Variants in CRY1 observed in about 807,000 individuals in gnomAD.
CRY1 encodes the protein cryptochrome-1.
CRY1 carries 45 observed loss-of-function variants against 76.0 expected under a neutral mutation model. That is an observed-to-expected ratio of 0.59 (90% confidence interval 0.47 to 0.76). The LOEUF (loss-of-function observed/expected upper bound fraction) is 0.76. CRY1 is among the 30% of genes least tolerant of loss of function. The pLI, the probability that CRY1 is intolerant of heterozygous loss-of-function variation, is 0.00. For synonymous variants in CRY1, 248 were observed against 244.0 expected (o/e 1.02, Z -0.15); for missense variants, 587 against 716.4 (o/e 0.82, Z 2.06).
chr12:107,023,553 G>A (rs1369490884), intron 1 of CRY1, among the ~76,000 whole-genome samples: 1 of 152,154 alleles, frequency 6.6e-6, no homozygotes, highest in Non-Finnish European at 1.5e-5. Context: ...AAGTCTTGTT[G>A]ATTTTTTACA....
At chr12:107,055,330 AT>A (rs1450230164) in intron 1 of CRY1, among the ~76,000 whole-genome samples, 1 of 152,132 alleles carries the variant, frequency 6.6e-6, no homozygotes, top group Non-Finnish European at 1.5e-5. Flanking sequence ...GAAAAAAATC[AT>A]AACAAAATTT....
At chr12:107,081,480 C>T (rs1953324537) in intron 1 of CRY1, among the ~76,000 whole-genome samples, 1 of 151,970 alleles carries the variant, frequency 6.6e-6, no homozygotes, top group Non-Finnish European at 1.5e-5. Flanking sequence ...TTATTTCTCT[C>T]CATTGAATTT....
At chr12:107,032,602 A>G (rs1952689972) in intron 1 of CRY1, among the ~76,000 whole-genome samples, 1 of 152,116 alleles carries the variant, frequency 6.6e-6, no homozygotes, top group Non-Finnish European at 1.5e-5. Context: ...CACGCCTATA[A>G]TCTCAGAGCC....
At chr12:107,012,134 G>A (rs1371343957) in intron 2 of CRY1, among the ~76,000 whole-genome samples, 1 of 152,228 alleles carries the variant, frequency 6.6e-6, no homozygotes, top group Non-Finnish European at 1.5e-5. Flanking sequence ...AGGCTGCAGT[G>A]AGCCAAGATC....
chr12:107,023,895 T>C (rs1435074499), intron 1 of CRY1, among the ~76,000 whole-genome samples: 5 of 152,224 alleles, frequency 3.3e-5, no homozygotes, highest in Non-Finnish European at 5.9e-5. Context: ...TATAAAAGCA[T>C]TGGAGTTTAA....
Position 106,999,839 on chromosome 12 carries a change from G to A in CRY1, c.849C>T (p.Pro283=). Residue 283 remains proline (P), a synonymous_variant, in exon 7 of 13, where the codon CCC becomes CCT. Transcript: ENST00000008527. The part of the protein sequence containing the change: ...YKKVKKNSSP[P]LSLYGQLLWR... ...ATAACAGTTGCCCATAAAGGGAAAG[G>A]GGAGGGGAACTGTTCTTCTTTACCT... 1.9e-6 allele frequency: 3 copies of A among 1,613,068 alleles called. No homozygotes were observed. The highest frequency in any genetic ancestry group is 1.3e-5 in the African/African-American group (1 of 74,920).
chr12:107,036,339 A>C (rs749655593), intron 1 of CRY1, among the ~76,000 whole-genome samples: 5 of 152,202 alleles, frequency 3.3e-5, no homozygotes, highest in Non-Finnish European at 5.9e-5. Context: ...AAATCTTAAC[A>C]GCTCTATGTT....
intron 1 of CRY1, among the ~76,000 whole-genome samples, chr12:107,035,111 A>G (rs947511232): frequency 3.9e-5 from 6 of 152,226 alleles, no homozygotes; most frequent in Admixed American, 3.3e-4. Context: ...ATCTATGAAT[A>G]ATGCTTTTCT....
chr12:107,093,370 A>C lies in CRY1; in HGVS notation c.-409T>G. ...CCTCGCCCCACCAAGGCGGCCCCTAAAGACAAAACGGCCCGCCCGAGGTGA... is the reference window on the plus strand; with the variant it reads ...CCTCGCCCCACCAAGGCGGCCCCTACAGACAAAACGGCCCGCCCGAGGTGA... On this transcript the variant is annotated 5_prime_UTR_variant, in exon 1 of 13. Transcript: ENST00000008527. 5.9e-6 allele frequency: 1 copy of C among 169,544 alleles called. No homozygotes were observed. 10.5% of individuals were successfully genotyped at this position (169,544 alleles called of 1,614,324 possible).
rs560839897 is a variant in CRY1, at chr12:107,032,339, C to T, written c.159-10147G>A. 2.8e-4 allele frequency among the ~76,000 whole-genome samples: 43 copies of T among 152,302 alleles called. No individual in the cohort carries two copies. The South Asian group carries it at 8.3e-3, about 29-fold the overall frequency. ...ACAGGAACTCTGTGTATTATCTCTG[C>T]ATATTTTCTACAAATCTAAAATTAT... On this transcript the variant is annotated intron_variant, in intron 1 of 12. Coordinates refer to ENST00000008527, the MANE Select transcript of CRY1 (RefSeq NM_004075.5).
chr12:107,015,092 G>A lies in CRY1; in HGVS notation c.267+6992C>T, dbSNP rs181313418. Among the ~76,000 whole-genome samples, 388 of 152,232 alleles carry A rather than the reference G, an allele frequency of 2.5e-3. 3 individuals carry two copies. Among genetic ancestry groups the A allele is most frequent in the African/African-American group, 8.7e-3 (361 of 41,522 alleles). On this transcript the variant is annotated intron_variant, in intron 2 of 12. Coordinates refer to ENST00000008527, the MANE Select transcript of CRY1 (RefSeq NM_004075.5). Reference sequence around the variant, plus strand: ...GGGGTTTCACCATGTTGGTCAGGCTGGTCTTGCACTCCCGACCTTGTGATC... The same window carrying A: ...GGGGTTTCACCATGTTGGTCAGGCTAGTCTTGCACTCCCGACCTTGTGATC...
Position 107,093,125 on chromosome 12 carries a change from C to CG in CRY1, c.-165dup. On this transcript the variant is annotated 5_prime_UTR_variant, in exon 1 of 13. Transcript: ENST00000008527. ...ACTCCGAGGAGGGGACCGGAGAAGG[C>CG]GGGGGCGCCGGAGGCGCAGTGGAAA... 1.2e-6 allele frequency: 1 copy of CG among 826,630 alleles called. No individual in the cohort carries two copies. The highest frequency in any genetic ancestry group is 2.9e-5 in the East Asian group (1 of 34,038). The allele number at this position is 826,630 out of a possible 1,614,324, so 51.2% of individuals were successfully genotyped here.
chr12:107,030,284 T>C (rs1952661027), intron 1 of CRY1, among the ~76,000 whole-genome samples: 2 of 152,166 alleles, frequency 1.3e-5, no homozygotes, highest in African/African-American at 4.8e-5. Flanking sequence ...TTTTACAAGG[T>C]ATCTCATTTT....
intron 10 of CRY1, among the ~76,000 whole-genome samples, chr12:106,995,949 T>C (rs1488077024): frequency 3.9e-5 from 6 of 152,196 alleles, no homozygotes; most frequent in Non-Finnish European, 7.3e-5. Context: ...GTTCAAGTGA[T>C]TCTCCTGCCT....
intron 3 of CRY1, among the ~76,000 whole-genome samples, chr12:107,002,206 A>G (rs1427107016): frequency 1.3e-5 from 2 of 152,176 alleles, no homozygotes; most frequent in African/African-American, 4.8e-5. Flanking sequence ...CCTTTAAGAC[A>G]AAGAATATTA....
At chr12:107,006,638 C>CATT (rs71076707) in intron 2 of CRY1, among the ~76,000 whole-genome samples, 5 of 137,108 alleles carry the variant, frequency 3.6e-5, no homozygotes, top group East Asian at 2.2e-4. Flanking sequence ...TATTAGTAAT[C>CATT]TTTTTTTTTT....
At chr12:107,086,144 T>A (rs758059573) in intron 1 of CRY1, among the ~76,000 whole-genome samples, 237 of 152,208 alleles carry the variant, frequency 1.6e-3, no homozygotes, top group Non-Finnish European at 1.5e-3. Context: ...TTAAGCTACC[T>A]GGCAAAAAAA....
Position 107,001,130 on chromosome 12 carries a change from T to C in CRY1, c.684+150A>G, listed in dbSNP as rs1593494154. ...TTTAAATGAGGAGATGGTAGTTAACTTTCAAACAATTAGGTTTGTGCTATT... is the reference window on the plus strand; with the variant it reads ...TTTAAATGAGGAGATGGTAGTTAACCTTCAAACAATTAGGTTTGTGCTATT... On this transcript the variant is annotated intron_variant, in intron 5 of 12. Coordinates refer to ENST00000008527, the MANE Select transcript of CRY1 (RefSeq NM_004075.5). 6.7e-6 allele frequency: 4 copies of C among 595,114 alleles called. No individual in the cohort carries two copies. The East Asian group carries it at 1.2e-4, about 17-fold the overall frequency. 36.9% of individuals were successfully genotyped at this position (595,114 alleles called of 1,614,324 possible). A position where few individuals can be genotyped will look rare whatever the true frequency, so the allele number is the denominator to read the frequency against.
In CRY1 at chr12:106,996,906, T is replaced by C. The variant is rs180846006; in HGVS notation, c.1585+388A>G. Among the ~76,000 whole-genome samples, 88 of 152,350 alleles carry C rather than the reference T, an allele frequency of 5.8e-4. No individual in the cohort carries two copies. The East Asian group carries it at 0.014, about 24-fold the overall frequency. Reference sequence around the variant, plus strand: ...TAGAGGGCTCTATGCATGTGTACAATAAATCTTTTGGCCATGTTCACAGGG... The same window carrying C: ...TAGAGGGCTCTATGCATGTGTACAACAAATCTTTTGGCCATGTTCACAGGG... On this transcript the variant is annotated intron_variant, in intron 10 of 12. Coordinates refer to ENST00000008527, the MANE Select transcript of CRY1 (RefSeq NM_004075.5).
Sources: allele counts gnomAD v4.1 joint callset (sites outside exome capture counted in the v4.1 genomes callset), GRCh38; gene constraint gnomAD v4.1.1; transcripts MANE v1.5; gene names NCBI Gene and HGNC (gene_info 2026-07-23, HGNC 2026-07-21).